Variants in KMT2C observed in about 807,000 individuals in gnomAD.
KMT2C encodes the protein histone-lysine N-methyltransferase 2C.
A neutral mutation model predicts 507.9 loss-of-function variants in KMT2C; 88 were observed. The observed-to-expected ratio is 0.17, with a 90% confidence interval of 0.15 to 0.21. KMT2C has a LOEUF of 0.21. KMT2C is among the 10% of genes least tolerant of loss of function. KMT2C has a pLI of 1.00. For missense variants in KMT2C, 4,954 were observed against 5,957.8 expected (o/e 0.83, Z 5.55); for synonymous variants, 2,049 against 2,080.8 (o/e 0.98, Z 0.42).
chr7:152,338,101 G>A lies in KMT2C; in HGVS notation c.251-7362C>T, dbSNP rs552642648. ...TCACGATCTCCTGACCTCGTGATCCGCTTGCCTCAGCCTCCCAAAGTGCTG... is the reference window on the plus strand; with the variant it reads ...TCACGATCTCCTGACCTCGTGATCCACTTGCCTCAGCCTCCCAAAGTGCTG... On this transcript the variant is annotated intron_variant, in intron 2 of 58. Coordinates refer to ENST00000262189, the MANE Select transcript of KMT2C (RefSeq NM_170606.3). Among the ~76,000 whole-genome samples, 325 of 152,024 alleles carry A rather than the reference G, an allele frequency of 2.1e-3. 3 individuals are homozygous for A. Among genetic ancestry groups the A allele is most frequent in the Middle Eastern group, 0.01 (3 of 294 alleles).
At chr7:152,298,071 A>G (rs1445812882) in intron 6 of KMT2C, among the ~76,000 whole-genome samples, 1 of 152,164 alleles carries the variant, frequency 6.6e-6, no homozygotes, top group Non-Finnish European at 1.5e-5. Context: ...AGCAAACTTG[A>G]AGATACAAGA....
intron 1 of KMT2C, among the ~76,000 whole-genome samples, chr7:152,415,026 T>G (rs1466434087): frequency 6.6e-6 from 1 of 151,884 alleles, no homozygotes; most frequent in Admixed American, 6.6e-5. Context: ...TTTATTTTTT[T>G]GTAGAGACAG....
intron 2 of KMT2C, among the ~76,000 whole-genome samples, chr7:152,353,807 TTA>T (rs2097132173): frequency 6.6e-6 from 1 of 152,148 alleles, no homozygotes; most frequent in African/African-American, 2.4e-5. Flanking sequence ...CGTAATACCC[TTA>T]TATTACTACA....
intron 23 of KMT2C, among the ~76,000 whole-genome samples, chr7:152,219,103 G>A (rs1395132960): frequency 3.3e-5 from 5 of 151,890 alleles, no homozygotes; most frequent in African/African-American, 1.2e-4. Context: ...CCGAGTAGCT[G>A]GGATTACAGG....
chr7:152,398,974 G>A (rs768265922), intron 1 of KMT2C, among the ~76,000 whole-genome samples: 5 of 151,316 alleles, frequency 3.3e-5, no homozygotes, highest in Admixed American at 1.3e-4. Context: ...CTACAGGTTC[G>A]CACCACCAAG....
Position 152,195,922 on chromosome 7 carries a change from A to G in KMT2C, c.4363T>C (p.Ser1455Pro), listed in dbSNP as rs747478461. Residue 1455 changes from serine (S) to proline (P), a missense_variant, in exon 28 of 59, where the codon TCA (serine) becomes CCA (proline). This residue lies in a region of KMT2C where 140 missense variants were observed against 118.4 expected (regional missense o/e 1.18). Transcript: ENST00000262189. ...TCATATATACCTGAATGATCAACTG[A>G]TTTTGCTAGATCATCTGAAATTATT... ...LGIISDDLAK[S>P]VDHSDIGPVT... 1.9e-6 allele frequency: 3 copies of G among 1,594,056 alleles called. No homozygotes were observed. Among genetic ancestry groups the G allele is most frequent in the Non-Finnish European group, 8.6e-7 (1 of 1,163,990 alleles).
At chr7:152,433,854 T>C (rs1322374162) in intron 1 of KMT2C, among the ~76,000 whole-genome samples, 1 of 151,960 alleles carries the variant, frequency 6.6e-6, no homozygotes, top group Non-Finnish European at 1.5e-5. Context: ...TGCGCGTGCG[T>C]GTGAGTGTGC....
At chr7:152,254,166 A>G (rs2095608223) in intron 9 of KMT2C, among the ~76,000 whole-genome samples, 1 of 152,120 alleles carries the variant, frequency 6.6e-6, no homozygotes, top group Non-Finnish European at 1.5e-5. Context: ...CTGTGGTGTC[A>G]TCTACTTGAG....
chr7:152,175,144 GT>G (rs2093142100), intron 38 of KMT2C, among the ~76,000 whole-genome samples: 1 of 77,668 alleles, frequency 1.3e-5, no homozygotes, highest in Admixed American at 2.1e-4. Flanking sequence ...ACTCTTCGTT[GT>G]TTTCATTTTT....
In KMT2C at chr7:152,176,991, T is replaced by A. The variant is rs2129114012; in HGVS notation, c.8462A>T (p.Glu2821Val). 6.2e-7 allele frequency: 1 copy of A among 1,613,960 alleles called. No individual in the cohort carries two copies. Among genetic ancestry groups the A allele is most frequent in the Non-Finnish European group, 8.5e-7 (1 of 1,179,838 alleles). ...SPQKKSTVTN[E>V]VKTEVLSPNS... ...TGGAGACAGTACTTCCGTTTTTACC[T>A]CATTGGTAACAGTGGATTTTTTCTG... Residue 2821 changes from glutamate to valine, a missense_variant, in exon 38 of 59, where the codon GAG becomes GTG. Physicochemically the swap from Glu to Val is moderately radical, Grantham distance 121. Transcript: ENST00000262189.
chr7:152,311,322 T>C (rs2096669725), intron 5 of KMT2C, among the ~76,000 whole-genome samples: 2 of 152,152 alleles, frequency 1.3e-5, no homozygotes, highest in African/African-American at 4.8e-5. Context: ...CCACTATCAG[T>C]CAATCTGCAG....
intron 1 of KMT2C, among the ~76,000 whole-genome samples, chr7:152,417,971 A>G (rs769076957): frequency 0.053 from 7,407 of 140,572 alleles, 336 homozygotes; most frequent in African/African-American, 0.11. Flanking sequence ...AAAAAAAAAA[A>G]AGATGGAGTC....
chr7:152,196,815 T>A (rs2093977545), intron 27 of KMT2C, among the ~76,000 whole-genome samples: 1 of 152,128 alleles, frequency 6.6e-6, no homozygotes. Context: ...AAGATGGAGA[T>A]AACCCTCCAA....
Position 152,194,572 on chromosome 7 carries a change from C to T in KMT2C, c.4379-4G>A, listed in dbSNP as rs2129129775. The T allele has an allele frequency of 9.9e-6, 16 of 1,610,460 alleles. No individual in the cohort carries two copies. Among genetic ancestry groups the T allele is most frequent in the African/African-American group, 1.3e-5 (1 of 74,892 alleles). On this transcript the variant is annotated splice_region_variant and splice_polypyrimidine_tract_variant and intron_variant, in intron 28 of 58. Coordinates refer to ENST00000262189, the MANE Select transcript of KMT2C (RefSeq NM_170606.3). ...TCATCAGTGACAGGACCAATATCTA[C>T]AAGAGTAAGGAAAATAAATTTAAAG...
At chr7:152,233,929 G>C (rs2095199725) in intron 16 of KMT2C, among the ~76,000 whole-genome samples, 2 of 152,326 alleles carry the variant, frequency 1.3e-5, no homozygotes, top group Admixed American at 6.5e-5. Flanking sequence ...GAGGCCAGGA[G>C]TTCGAGACCA....
At chr7:152,374,596 G>A (rs2097314505) in intron 1 of KMT2C, among the ~76,000 whole-genome samples, 1 of 151,952 alleles carries the variant, frequency 6.6e-6, no homozygotes, top group African/African-American at 2.4e-5. Flanking sequence ...GACACTAGTA[G>A]GAGTGTAAAC....
rs763756860 is a variant in KMT2C at position 152,136,827 on chromosome 7, G to C, written c.*5C>G. 1 of 1,605,464 alleles carries C rather than the reference G, an allele frequency of 6.2e-7. No homozygotes were observed. Among genetic ancestry groups the C allele is most frequent in the Admixed American group, 1.7e-5 (1 of 60,030 alleles). Reference sequence around the variant, plus strand: ...GCCGCCCGCTGAGCTAGCAAGGAATGCATTTCAGTTCATCCACTTCCGGCA... The same window carrying C: ...GCCGCCCGCTGAGCTAGCAAGGAATCCATTTCAGTTCATCCACTTCCGGCA... On this transcript the variant is annotated 3_prime_UTR_variant, in exon 59 of 59. Transcript: ENST00000262189.
intron 1 of KMT2C, among the ~76,000 whole-genome samples, chr7:152,432,893 T>C (rs1454096986): frequency 6.6e-6 from 1 of 152,074 alleles, no homozygotes; most frequent in Non-Finnish European, 1.5e-5. Flanking sequence ...ACGCCTGTAA[T>C]CCTGGCACTT....
intron 6 of KMT2C, among the ~76,000 whole-genome samples, chr7:152,287,652 T>G (rs1461485624): frequency 6.6e-6 from 1 of 152,098 alleles, no homozygotes; most frequent in African/African-American, 2.4e-5. Context: ...GAAAATATAG[T>G]CAAAAGGTGC....
Sources: allele counts gnomAD v4.1 joint callset (sites outside exome capture counted in the v4.1 genomes callset), GRCh38; gene constraint gnomAD v4.1.1; regional missense constraint gnomAD v4.1.1; transcripts MANE v1.5; gene names NCBI Gene and HGNC (gene_info 2026-07-23, HGNC 2026-07-21).